The following AAK1 variants were observed in gnomAD, a reference collection of about 807,000 sequenced individuals.
AAK1 encodes AP2 associated kinase 1.
Under a neutral mutation model 116.0 loss-of-function variants are expected in AAK1, and 37 were observed. The observed-to-expected ratio is 0.32, with a 90% CI of 0.25 to 0.42. AAK1 has a LOEUF of 0.42. Ranked by LOEUF, AAK1 falls within the 10% of genes least tolerant of loss-of-function variation. AAK1 has a pLI of 1.00. For synonymous variants in AAK1, 458 were observed against 439.9 expected (o/e 1.04, Z -0.51); for missense variants, 919 against 1,170.6 (o/e 0.79, Z 3.14).
chr2:69,463,966 C>G lies in AAK1; in HGVS notation c.*11903G>C, dbSNP rs1674408717. On this transcript the variant is annotated 3_prime_UTR_variant, in exon 22 of 22. Coordinates refer to ENST00000409085, the MANE Select transcript of AAK1 (RefSeq NM_014911.5). ...GCACCTGGCCAGCTTTATTTTAAGGCACTAATAATAAAGGGTATGAAAAAA... is the reference window on the plus strand; with the variant it reads ...GCACCTGGCCAGCTTTATTTTAAGGGACTAATAATAAAGGGTATGAAAAAA... The G allele has an allele frequency of 6.6e-6, 1 of 152,450 alleles. No homozygotes were observed. The allele number at this position is 152,450 out of a possible 1,614,324, so 9.4% of individuals were successfully genotyped here. A position where few individuals can be genotyped will look rare whatever the true frequency, so the allele number is the denominator to read the frequency against.
chr2:69,563,554 T>A (rs890523242), intron 2 of AAK1, among the ~76,000 whole-genome samples: 2 of 152,168 alleles, frequency 1.3e-5, no homozygotes, highest in Middle Eastern at 3.2e-3. Flanking sequence ...AAGTCCTATA[T>A]ACACTTTTGG....
intron 2 of AAK1, among the ~76,000 whole-genome samples, chr2:69,580,487 A>G (rs1672496855): frequency 2.0e-5 from 3 of 152,228 alleles, no homozygotes; most frequent in Non-Finnish European, 2.9e-5. Context: ...AATATTAAAC[A>G]GAGAAAGTCT....
intron 2 of AAK1, among the ~76,000 whole-genome samples, chr2:69,606,669 G>C (rs1673811954): frequency 6.6e-6 from 1 of 152,158 alleles, no homozygotes; most frequent in African/African-American, 2.4e-5. Context: ...ACCTCTCTAG[G>C]TATTGGAGAT....
At chr2:69,484,255 A>G (rs1191340868) in intron 17 of AAK1, among the ~76,000 whole-genome samples, 1 of 152,230 alleles carries the variant, frequency 6.6e-6, no homozygotes, top group African/African-American at 2.4e-5. Flanking sequence ...ATTGATATTC[A>G]TGGAAAAACA....
chr2:69,507,733 G>A (rs1676242777), intron 14 of AAK1, among the ~76,000 whole-genome samples, 155 bp from the exon 15 acceptor site: 1 of 147,142 alleles, frequency 6.8e-6, no homozygotes, highest in Non-Finnish European at 1.5e-5. Context: ...TTGAGTCAGA[G>A]TTTTGCTCTT....
chr2:69,589,721 A>G (rs546051704), intron 2 of AAK1, among the ~76,000 whole-genome samples: 9 of 151,546 alleles, frequency 5.9e-5, no homozygotes, highest in African/African-American at 1.7e-4. Flanking sequence ...AAAAAAAAAA[A>G]AAAAAAAAGA....
intron 5 of AAK1, among the ~76,000 whole-genome samples, 187 bp downstream of exon 5, chr2:69,542,336 A>C (rs540999701): frequency 6.6e-6 from 1 of 152,336 alleles, no homozygotes; most frequent in Admixed American, 6.5e-5. Context: ...GAGGCTGCTT[A>C]AGTAATAAAA....
intron 5 of AAK1, among the ~76,000 whole-genome samples, chr2:69,539,019 C>T (rs1279649484): frequency 1.3e-5 from 2 of 152,222 alleles, no homozygotes. Context: ...TTTACCATGC[C>T]AGGGATGTGC....
chr2:69,496,038 G>A lies in AAK1; in HGVS notation c.2312C>T (p.Pro771Leu), dbSNP rs34422616. The A allele has an allele frequency of 1.1e-4, 170 of 1,555,268 alleles. No homozygotes were observed. Among genetic ancestry groups the A allele is most frequent in the African/African-American group, 1.6e-4 (12 of 73,256 alleles). The change falls in exon 17 of 22, where the codon CCG becomes CTG. Residue 771 changes from proline to leucine, a missense_variant. By Grantham distance (98) the Pro-to-Leu change is moderately conservative. Around this residue, in one of 4 missense-constraint regions of AAK1, gnomAD observed 263 missense variants for 285.5 expected, o/e 0.92. Transcript: ENST00000409085. ...GAAAGGATCAGACACGCTTAGAAGC[G>A]GGAGGCCAGAGTCCACAGTCTGCCC... ...KGGQTVDSGLPLLSVSDPFIP... is the reference protein window; with the variant it reads ...KGGQTVDSGLLLLSVSDPFIP...
intron 2 of AAK1, among the ~76,000 whole-genome samples, chr2:69,565,611 C>T (rs1485406257): frequency 2.0e-5 from 3 of 152,256 alleles, no homozygotes; most frequent in Non-Finnish European, 2.9e-5. Flanking sequence ...TGCAGGAACA[C>T]CTCCACTCCC....
At chr2:69,562,513 A>C (rs888056552) in intron 2 of AAK1, among the ~76,000 whole-genome samples, 4 of 152,334 alleles carry the variant, frequency 2.6e-5, no homozygotes, top group Non-Finnish European at 5.9e-5. Context: ...GAGAATTTGC[A>C]ATACACAGAG....
In AAK1 at chr2:69,466,138, G is replaced by A; in HGVS notation, c.*9731C>T. 1 of 1,290,534 alleles carries A rather than the reference G, an allele frequency of 7.7e-7. No homozygotes were observed. Among genetic ancestry groups the A allele is most frequent in the Non-Finnish European group, 1.0e-6 (1 of 988,870 alleles). 79.9% of individuals were successfully genotyped at this position (1,290,534 alleles called of 1,614,324 possible). A position where few individuals can be genotyped will look rare whatever the true frequency, so the allele number is the denominator to read the frequency against. ...ATGGCAAAAACATCTGGCTCACTGA[G>A]CCCATCAGTGGCTGGCTGTGTGAAG... On this transcript the variant is annotated 3_prime_UTR_variant, in exon 22 of 22. Transcript: ENST00000409085.
intron 2 of AAK1, among the ~76,000 whole-genome samples, chr2:69,572,620 T>TAAA (rs768419313): frequency 2.8e-5 from 3 of 106,852 alleles, no homozygotes; most frequent in East Asian, 2.8e-4. Flanking sequence ...ACTCTGTCTT[T>TAAA]AAAAAAAAAA....
At position 69,470,405 on chromosome 2, in the gene AAK1, C is replaced by G; in HGVS notation, c.*5464G>C. ...TCAAACTAATAATTACCATGACCTT[C>G]TAGCTCACATAACAAAATTAAGCAT... On this transcript the variant is annotated 3_prime_UTR_variant, in exon 22 of 22. Transcript: ENST00000409085. 1 of 985,410 alleles carries G rather than the reference C, an allele frequency of 1.0e-6. No individual in the cohort carries two copies. The highest frequency in any genetic ancestry group is 5.2e-4 in the Middle Eastern group (1 of 1,914). The allele number at this position is 985,410 out of a possible 1,614,324, so 61.0% of individuals were successfully genotyped here. A position where few individuals can be genotyped will look rare whatever the true frequency, so the allele number is the denominator to read the frequency against.
At chr2:69,592,772 A>G (rs1673090211) in intron 2 of AAK1, among the ~76,000 whole-genome samples, 1 of 152,218 alleles carries the variant, frequency 6.6e-6, no homozygotes, top group East Asian at 1.9e-4. Context: ...TGATAATTGG[A>G]CTCATTTAAC....
In AAK1 at chr2:69,466,996, G is replaced by C; in HGVS notation, c.*8873C>G. 1.0e-6 allele frequency: 1 copy of C among 985,392 alleles called. No homozygotes were observed. The highest frequency in any genetic ancestry group is 1.2e-6 in the Non-Finnish European group (1 of 829,922). 61.0% of individuals were successfully genotyped at this position (985,392 alleles called of 1,614,324 possible). A position where few individuals can be genotyped will look rare whatever the true frequency, so the allele number is the denominator to read the frequency against. Reference sequence around the variant, plus strand: ...CAGAATCTGGCATGTGGTCATCCGCGCCACATGCAGAGGGACAAACTCTCT... The same window carrying C: ...CAGAATCTGGCATGTGGTCATCCGCCCCACATGCAGAGGGACAAACTCTCT... On this transcript the variant is annotated 3_prime_UTR_variant, in exon 22 of 22. Transcript: ENST00000409085.
At chr2:69,500,469 C>T (rs79049053) in intron 16 of AAK1, among the ~76,000 whole-genome samples, 1 of 151,884 alleles carries the variant, frequency 6.6e-6, no homozygotes, top group East Asian at 1.9e-4. Flanking sequence ...GCTACAGGTA[C>T]AAATCTCTAT....
intron 2 of AAK1, among the ~76,000 whole-genome samples, chr2:69,558,301 G>A (rs1003704792): frequency 2.7e-5 from 4 of 149,220 alleles, no homozygotes; most frequent in South Asian, 2.1e-4. Context: ...CTGTGACTGC[G>A]CCACTGAACT....
At chr2:69,549,607 T>C (rs749033489) in intron 3 of AAK1, among the ~76,000 whole-genome samples, 27 of 152,192 alleles carry the variant, frequency 1.8e-4, no homozygotes, top group Non-Finnish European at 3.7e-4. Context: ...ACCAGCACTA[T>C]CACCTTCTAT....
Sources: allele counts gnomAD v4.1 joint callset (sites outside exome capture counted in the v4.1 genomes callset), GRCh38; gene constraint gnomAD v4.1.1; regional missense constraint gnomAD v4.1.1; transcripts MANE v1.5; gene names NCBI Gene and HGNC (gene_info 2026-07-23, HGNC 2026-07-21).